AKAP6: variants seen among roughly 807,000 people sequenced by gnomAD.
The protein encoded by AKAP6 is A-kinase anchor protein 6.
Under a neutral mutation model 188.5 loss-of-function variants are expected in AKAP6, and 58 were observed. The observed-to-expected ratio is 0.31, with a 90% CI of 0.25 to 0.38. The LOEUF (loss-of-function observed/expected upper bound fraction) is 0.38. Ranked by LOEUF, AKAP6 falls within the 10% of genes least tolerant of loss-of-function variation. The pLI is 1.00. For missense variants in AKAP6, 2,710 were observed against 2,740.0 expected (o/e 0.99, Z 0.24); for synonymous variants, 989 against 998.6 (o/e 0.99, Z 0.18).
At chr14:32,819,435 G>A (rs1207769421) in intron 12 of AKAP6, among the ~76,000 whole-genome samples, 1 of 152,124 alleles carries the variant, frequency 6.6e-6, no homozygotes, top group Non-Finnish European at 1.5e-5. Flanking sequence ...AGCATCATGG[G>A]CTGTTTTTCA....
chr14:32,508,510 G>C (rs1297958502), intron 2 of AKAP6, among the ~76,000 whole-genome samples: 3 of 152,170 alleles, frequency 2.0e-5, no homozygotes, highest in African/African-American at 7.2e-5. Context: ...TCTAACAAAA[G>C]GAAAAACTCA....
At chr14:32,691,328 A>G (rs1890170093) in intron 8 of AKAP6, among the ~76,000 whole-genome samples, 1 of 152,164 alleles carries the variant, frequency 6.6e-6, no homozygotes, top group South Asian at 2.1e-4. Flanking sequence ...TGATAAATTC[A>G]TTTGTTCATG....
At chr14:32,389,303 C>A (rs1182944572) in intron 1 of AKAP6, among the ~76,000 whole-genome samples, 1 of 152,056 alleles carries the variant, frequency 6.6e-6, no homozygotes, top group African/African-American at 2.4e-5. Context: ...ATCTGCAAGT[C>A]TGTATCTTTT....
chr14:32,612,892 T>C (rs1886413109), intron 7 of AKAP6, among the ~76,000 whole-genome samples: 1 of 152,312 alleles, frequency 6.6e-6, no homozygotes, highest in African/African-American at 2.4e-5. Flanking sequence ...TTAGGTGAGA[T>C]TGAACTTGAG....
chr14:32,374,084 G>A (rs553294248), intron 1 of AKAP6, among the ~76,000 whole-genome samples: 28 of 152,292 alleles, frequency 1.8e-4, no homozygotes, highest in Middle Eastern at 3.4e-3. Context: ...AAAACTTTGC[G>A]TAAGGAATAG....
chr14:32,389,854 G>T (rs72666181), intron 1 of AKAP6, among the ~76,000 whole-genome samples: 5 of 151,976 alleles, frequency 3.3e-5, no homozygotes, highest in African/African-American at 1.2e-4. Context: ...TGAATTTCCC[G>T]TGTGTTCTTG....
chr14:32,665,882 C>T (rs952938892), intron 7 of AKAP6, among the ~76,000 whole-genome samples: 29 of 152,218 alleles, frequency 1.9e-4, no homozygotes, highest in African/African-American at 6.5e-4. Context: ...AGATATCTTT[C>T]CAATTCAGCA....
At chr14:32,703,544 TTAATC>T in intron 9 of AKAP6, among the ~76,000 whole-genome samples, 1 of 152,300 alleles carries the variant, frequency 6.6e-6, no homozygotes, top group Non-Finnish European at 1.5e-5. Context: ...GTTCTGCAAA[TTAATC>T]TAACACATAA....
At chr14:32,661,099 G>A (rs930606058) in intron 7 of AKAP6, among the ~76,000 whole-genome samples, 4 of 151,854 alleles carry the variant, frequency 2.6e-5, no homozygotes, top group Non-Finnish European at 5.9e-5. Context: ...TGACAAATAG[G>A]TAGAAAGGAG....
chr14:32,476,361 G>A (rs1879066000), intron 2 of AKAP6, among the ~76,000 whole-genome samples: 1 of 152,156 alleles, frequency 6.6e-6, no homozygotes, highest in Non-Finnish European at 1.5e-5. Flanking sequence ...GAGGCTTGGG[G>A]AGAAATGCAT....
intron 9 of AKAP6, among the ~76,000 whole-genome samples, chr14:32,717,234 C>G (rs1180554931): frequency 6.6e-6 from 1 of 152,118 alleles, no homozygotes; most frequent in African/African-American, 2.4e-5. Flanking sequence ...ATAAGCTGTG[C>G]TAAATGGCCA....
At chr14:32,369,961 G>T (rs982473551) in intron 1 of AKAP6, among the ~76,000 whole-genome samples, 3 of 152,218 alleles carry the variant, frequency 2.0e-5, no homozygotes, top group Non-Finnish European at 4.4e-5. Flanking sequence ...ACCCCAGGAG[G>T]TGGAGGTTGC....
At chr14:32,630,590 A>G (rs1469708208) in intron 7 of AKAP6, among the ~76,000 whole-genome samples, 1 of 152,034 alleles carries the variant, frequency 6.6e-6, no homozygotes, top group African/African-American at 2.4e-5. Context: ...AGGACTTAGA[A>G]GCAAGCAATG....
rs969555135 is a variant in AKAP6 at position 32,725,344 on chromosome 14, C to T, written c.3001-7110C>T. On this transcript the variant is annotated intron_variant, in intron 9 of 13. Transcript: ENST00000280979. ...AGACTTCTTTCACAGCTATTTAGCT[C>T]GGCAGCCTACTCCCCGCTGGGGTCT... 3.9e-5 allele frequency among the ~76,000 whole-genome samples: 6 copies of T among 152,308 alleles called. No individual in the cohort carries two copies. In the South Asian group the frequency reaches 8.3e-4, roughly 21 times the overall value.
intron 7 of AKAP6, among the ~76,000 whole-genome samples, chr14:32,662,194 T>C (rs1185239636): frequency 1.3e-5 from 2 of 152,104 alleles, no homozygotes; most frequent in African/African-American, 4.8e-5. Context: ...TAAAATTTTA[T>C]AGTTCTCTTT....
At chr14:32,664,839 C>T (rs1258100777) in intron 7 of AKAP6, among the ~76,000 whole-genome samples, 1 of 152,092 alleles carries the variant, frequency 6.6e-6, no homozygotes, top group African/African-American at 2.4e-5. Context: ...CAGGATGAGT[C>T]TCAGGCATAG....
intron 12 of AKAP6, among the ~76,000 whole-genome samples, chr14:32,796,207 A>C (rs920436098): frequency 6.6e-6 from 1 of 152,222 alleles, no homozygotes; most frequent in African/African-American, 2.4e-5. Context: ...TACTGCCCAA[A>C]GTAATTTGTA....
At chr14:32,426,105 C>CCCAGA (rs893983418) in intron 1 of AKAP6, among the ~76,000 whole-genome samples, 2 of 152,164 alleles carry the variant, frequency 1.3e-5, no homozygotes, top group African/African-American at 4.8e-5. Flanking sequence ...AGTAGGGAAT[C>CCCAGA]CCAGACCCAT....
rs758568024 is a variant in AKAP6 at position 32,824,315 on chromosome 14, G to A, written c.6502G>A (p.Glu2168Lys). 2 of 1,613,734 alleles carry A rather than the reference G, an allele frequency of 1.2e-6. No individual in the cohort carries two copies. The highest frequency in any genetic ancestry group is 1.7e-5 in the Admixed American group (1 of 59,880). ...ACVEGDSDGEEPCFSSAPPNE... is the reference protein window; with the variant it reads ...ACVEGDSDGEKPCFSSAPPNE... ...TGTTGAGGGTGACTCTGATGGAGAGGAGCCTTGTTTCTCTAGTGCTCCTCC... is the reference window on the plus strand; with the variant it reads ...TGTTGAGGGTGACTCTGATGGAGAGAAGCCTTGTTTCTCTAGTGCTCCTCC... Residue 2168 changes from glutamate (E) to lysine (K), a missense_variant, in exon 13 of 14, where the codon GAG (glutamate) becomes AAG (lysine). Glu to Lys is a moderately conservative substitution (Grantham distance 56). Coordinates refer to ENST00000280979, the MANE Select transcript of AKAP6 (RefSeq NM_004274.5).
Sources: allele counts gnomAD v4.1 joint callset (sites outside exome capture counted in the v4.1 genomes callset), GRCh38; gene constraint gnomAD v4.1.1; transcripts MANE v1.5; gene names NCBI Gene and HGNC (gene_info 2026-07-23, HGNC 2026-07-21).